Variants in GDF6 observed in about 807,000 individuals in gnomAD.
GDF6 encodes growth/differentiation factor 6.
Under a neutral mutation model 32.4 loss-of-function variants are expected in GDF6, and 3 were observed. The observed-to-expected ratio is 0.09, with a 90% confidence interval of 0.04 to 0.24. The LOEUF (loss-of-function observed/expected upper bound fraction) is 0.24, where lower values mean the gene tolerates loss of function less well. GDF6 is among the 10% of genes least tolerant of loss of function. The pLI is 1.00. For synonymous variants in GDF6, 296 were observed against 295.3 expected (o/e 1.00, Z -0.03); for missense variants, 589 against 637.9 (o/e 0.92, Z 0.83).
chr8:96,145,145 A>G lies in GDF6; in HGVS notation c.786T>C (p.Ser262=). 1 of 1,510,678 alleles carries G rather than the reference A, an allele frequency of 6.6e-7. No homozygotes were observed. Among genetic ancestry groups the G allele is most frequent in the East Asian group, 2.6e-5 (1 of 38,238 alleles). The allele number at this position is 1,510,678 out of a possible 1,614,324, so 93.6% of individuals were successfully genotyped here. ...GCCGCACCCTCCGGCCGAAGCCCAG[A>G]CTCCGCAGGTCCGGGGGCGGCGGTT... The part of the protein sequence containing the change: ...PQQPPPPDLR[S]LGFGRRVRPP... Residue 262 remains serine, a synonymous_variant, in exon 2 of 2, where the codon AGT becomes AGC. Transcript: ENST00000287020. The surrounding 1 kb of genome is among the most constrained non-coding windows in gnomAD (Gnocchi z 5.6).
rs1262557915 is a variant in GDF6, at chr8:96,145,901, C to A, written c.407-377G>T. ...AGACCTCCTCTGGGCTGGGCTGGCTCGTTCTCGTTGACGTCTCAAATGTCA... is the reference window on the plus strand; with the variant it reads ...AGACCTCCTCTGGGCTGGGCTGGCTAGTTCTCGTTGACGTCTCAAATGTCA... On this transcript the variant is annotated intron_variant, in intron 1 of 1. Transcript: ENST00000287020. The surrounding 1 kb of genome is among the most constrained non-coding windows in gnomAD (Gnocchi z 5.6). Among the ~76,000 whole-genome samples the A allele has an allele frequency of 1.3e-5, 2 of 152,212 alleles. No individual in the cohort carries two copies. The highest frequency in any genetic ancestry group is 2.9e-5 in the Non-Finnish European group (2 of 68,032).
rs551579471 is a variant in GDF6, at chr8:96,158,250, A to C, written c.406+2037T>G. Among the ~76,000 whole-genome samples the C allele has an allele frequency of 3.0e-3, 458 of 152,248 alleles. 4 individuals carry two copies. The highest frequency in any genetic ancestry group is 3.9e-3 in the Admixed American group (60 of 15,304). On this transcript the variant is annotated intron_variant, in intron 1 of 1. Transcript: ENST00000287020. ...TTGGCTCGGGAACAGAGGCCTCCCCAGACTGGGTGCACATGCAATCCCTCC... is the reference window on the plus strand; with the variant it reads ...TTGGCTCGGGAACAGAGGCCTCCCCCGACTGGGTGCACATGCAATCCCTCC...
At chr8:96,146,225 G>A (rs1455171307) in intron 1 of GDF6, among the ~76,000 whole-genome samples, 1 of 152,054 alleles carries the variant, frequency 6.6e-6, no homozygotes, top group African/African-American at 2.4e-5. Context: ...ATCTTAATCT[G>A]GCCCACTAAA....
At chr8:96,159,054 C>T (rs6989096) in intron 1 of GDF6, among the ~76,000 whole-genome samples, 12,120 of 152,100 alleles carry the variant, frequency 0.08, 1,476 homozygotes, top group African/African-American at 0.26. Context: ...CCCAGGGTAG[C>T]AGTGGCTGAA....
At position 96,144,752 on chromosome 8, in the gene GDF6, C is replaced by T; in HGVS notation, c.1179G>A (p.Ser393=). The T allele has an allele frequency of 6.2e-7, 1 of 1,614,130 alleles. No individual in the cohort carries two copies. The highest frequency in any genetic ancestry group is 1.3e-5 in the African/African-American group (1 of 75,054). ...TGGCGTGGTTGGTGGGCTCCAGGTGCGAGCGCAGCGGGAAGTCGCATACAC... is the reference window on the plus strand; with the variant it reads ...TGGCGTGGTTGGTGGGCTCCAGGTGTGAGCGCAGCGGGAAGTCGCATACAC... ...CEGVCDFPLR[S]HLEPTNHAII... Residue 393 remains serine (S), a synonymous_variant, in exon 2 of 2, where the codon TCG becomes TCA. Transcript: ENST00000287020. This position sits in a 1 kb window ranked among gnomAD's most constrained non-coding sequence, Gnocchi z 5.1.
At chr8:96,160,150 G>GA in intron 1 of GDF6, 137 bp downstream of exon 1, 2 of 962,892 alleles carry the variant, frequency 2.1e-6, no homozygotes, top group South Asian at 2.6e-5. Context: ...TCGAGCTTGA[G>GA]AAAAACAATT....
rs1812737655 is a variant in GDF6, at chr8:96,160,279, C to T, written c.406+8G>A. 6.2e-7 allele frequency: 1 copy of T among 1,614,114 alleles called. No individual in the cohort carries two copies. Among genetic ancestry groups the T allele is most frequent in the African/African-American group, 1.3e-5 (1 of 74,956 alleles). ...GGAGGGGAGTCGAGCGTTTTCTTTG[C>T]CACTTACCTAGTCCCCTGTCTACAA... On this transcript the variant is annotated splice_region_variant and intron_variant, in intron 1 of 1. Transcript: ENST00000287020.
Position 96,144,797 on chromosome 8 carries a change from G to A in GDF6, c.1134C>T (p.Tyr378=), listed in dbSNP as rs756535061. 2 of 1,614,068 alleles carry A rather than the reference G, an allele frequency of 1.2e-6. No individual in the cohort carries two copies. The highest frequency in any genetic ancestry group is 1.7e-6 in the Non-Finnish European group (2 of 1,180,002). Residue 378 remains tyrosine (Y), a synonymous_variant, in exon 2 of 2, where the codon TAC becomes TAT. Transcript: ENST00000287020. This position sits in a 1 kb window ranked among gnomAD's most constrained non-coding sequence, Gnocchi z 5.1. ...WDDWIIAPLE[Y]EAYHCEGVCD... is the part of the protein sequence containing the mutation. Reference sequence around the variant, plus strand: ...ATACACCCTCGCAGTGATAGGCCTCGTACTCCAGGGGCGCGATAATCCAGT... The same window carrying A: ...ATACACCCTCGCAGTGATAGGCCTCATACTCCAGGGGCGCGATAATCCAGT...
chr8:96,159,318 T>C (rs1449308321), intron 1 of GDF6, among the ~76,000 whole-genome samples: 1 of 152,200 alleles, frequency 6.6e-6, no homozygotes, highest in Non-Finnish European at 1.5e-5. Context: ...CTGTGGATCC[T>C]TCCCTGATTT....
chr8:96,144,662 G>T lies in GDF6; in HGVS notation c.1269C>A (p.Thr423=). The change falls in exon 2 of 2, where the codon ACC becomes ACA. Residue 423 remains threonine, a synonymous_variant. Transcript: ENST00000287020. The surrounding 1 kb of genome is among the most constrained non-coding windows in gnomAD (Gnocchi z 5.1). ...ATAGAATGCTGATGGGAGTCAATTT[G>T]GTGGGCACGCAGCAGCTGGGCGGGG... ...GSTPPSCCVP[T]KLTPISILYI... is the part of the protein sequence containing the mutation. The T allele has an allele frequency of 6.2e-7, 1 of 1,614,148 alleles. No homozygotes were observed. Among genetic ancestry groups the T allele is most frequent in the Non-Finnish European group, 8.5e-7 (1 of 1,180,014 alleles).
In GDF6 at chr8:96,143,499, T is replaced by C. The variant is rs1411584505; in HGVS notation, c.*1064A>G. On this transcript the variant is annotated 3_prime_UTR_variant, in exon 2 of 2. Coordinates refer to ENST00000287020, the MANE Select transcript of GDF6 (RefSeq NM_001001557.4). The stretch of plus-strand genomic sequence containing the variant: ...TTCTTGGTTCCTTTTCCCTCCTTTG[T>C]AGCTCTTACGTTAATTGTTTTGTTC... 2 of 152,804 alleles carry C rather than the reference T, an allele frequency of 1.3e-5. No individual in the cohort carries two copies. Among genetic ancestry groups the C allele is most frequent in the Non-Finnish European group, 2.9e-5 (2 of 68,112 alleles). The allele number at this position is 152,804 out of a possible 1,614,324, so 9.5% of individuals were successfully genotyped here. A position where few individuals can be genotyped will look rare whatever the true frequency, so the allele number is the denominator to read the frequency against.
At position 96,160,512 on chromosome 8, in the gene GDF6, C is replaced by G. The variant is rs773393980; in HGVS notation, c.181G>C (p.Gly61Arg). The stretch of plus-strand genomic sequence containing the variant: ...GGCTGTGGTTCCTGGCCCTCCCGGC[C>G]CGCGTCACTGTCGCGCGGCGCCCGC... ...MQRAPRDSDA[G>R]REGQEPQPRP... Residue 61 changes from glycine to arginine, a missense_variant, in exon 1 of 2, where the codon GGC becomes CGC. Coordinates refer to ENST00000287020, the MANE Select transcript of GDF6 (RefSeq NM_001001557.4). 5 of 1,613,174 alleles carry G rather than the reference C, an allele frequency of 3.1e-6. No individual in the cohort carries two copies. The African/African-American group carries it at 5.3e-5, about 17-fold the overall frequency.
Position 96,144,290 on chromosome 8 carries a change from G to GAGAA in GDF6, c.*272_*273insTTCT, listed in dbSNP as rs1416099236. On this transcript the variant is annotated 3_prime_UTR_variant, in exon 2 of 2. Transcript: ENST00000287020. The surrounding 1 kb of genome is among the most constrained non-coding windows in gnomAD (Gnocchi z 5.1). ...AGAGAGAGAGAGAGAGAGAGAGAGAGAAAACAGAACAAAAGAAATCCTCCT... is the reference window on the plus strand; with the variant it reads ...AGAGAGAGAGAGAGAGAGAGAGAGAGAGAAAAAACAGAACAAAAGAAATCCTCCT... The GAGAA allele has an allele frequency of 2.4e-4, 107 of 439,292 alleles. No homozygotes were observed. Among genetic ancestry groups the GAGAA allele is most frequent in the Middle Eastern group, 6.5e-4 (1 of 1,530 alleles). 27.2% of individuals were successfully genotyped at this position (439,292 alleles called of 1,614,324 possible).
chr8:96,160,180 G>A, intron 1 of GDF6, 107 bp downstream of exon 1: 2 of 1,096,420 alleles, frequency 1.8e-6, no homozygotes, highest in Non-Finnish European at 2.8e-6. Context: ...TAAAAAGGAA[G>A]TGTCCAGAGC....
intron 1 of GDF6, among the ~76,000 whole-genome samples, chr8:96,149,470 G>A (rs569455982): frequency 6.6e-6 from 1 of 152,254 alleles, no homozygotes; most frequent in East Asian, 1.9e-4. Flanking sequence ...AGAAAAATAA[G>A]AAGGAAGGAA....
At chr8:96,150,716 T>G (rs1001461195) in intron 1 of GDF6, among the ~76,000 whole-genome samples, 1 of 152,198 alleles carries the variant, frequency 6.6e-6, no homozygotes, top group African/African-American at 2.4e-5. Flanking sequence ...AGGTCCTAAT[T>G]CCAAGTACTC....
At position 96,145,189 on chromosome 8, in the gene GDF6, G is replaced by A. The variant is rs750809706; in HGVS notation, c.742C>T (p.Arg248Cys). 1 of 1,496,418 alleles carries A rather than the reference G, an allele frequency of 6.7e-7. No individual in the cohort carries two copies. 92.7% of individuals were successfully genotyped at this position (1,496,418 alleles called of 1,614,324 possible). Residue 248 changes from arginine (R) to cysteine (C), a missense_variant, in exon 2 of 2, where the codon CGC (arginine) becomes TGC (cysteine). Coordinates refer to ENST00000287020, the MANE Select transcript of GDF6 (RefSeq NM_001001557.4). This position sits in a 1 kb window ranked among gnomAD's most constrained non-coding sequence, Gnocchi z 5.6. The stretch of plus-strand genomic sequence containing the variant: ...GGCGGTTGCTGGGGTCCCCGCGCGC[G>A]CGCCTCGGCCTCCCCGGCGTCCAGC... ...GELDAGEAEA[R>C]ARGPQQPPPP...
chr8:96,150,656 A>G (rs1037167214), intron 1 of GDF6, among the ~76,000 whole-genome samples: 33 of 152,252 alleles, frequency 2.2e-4, no homozygotes, highest in African/African-American at 8.0e-4. Flanking sequence ...TGAAGGTCCT[A>G]ATTCCAAGTG....
In GDF6 at chr8:96,160,526, C is replaced by G. The variant is rs375108591; in HGVS notation, c.167G>C (p.Arg56Pro). Residue 56 changes from arginine to proline, a missense_variant, in exon 1 of 2, where the codon CGC becomes CCC. By Grantham distance (103) the Arg-to-Pro change is moderately radical (BLOSUM62 -2). Coordinates refer to ENST00000287020, the MANE Select transcript of GDF6 (RefSeq NM_001001557.4). ...RKEGKMQRAP[R>P]DSDAGREGQE... ...GCCCTCCCGGCCCGCGTCACTGTCGCGCGGCGCCCGCTGCATCTTGCCTTC... is the reference window on the plus strand; with the variant it reads ...GCCCTCCCGGCCCGCGTCACTGTCGGGCGGCGCCCGCTGCATCTTGCCTTC... 41 of 1,613,226 alleles carry G rather than the reference C, an allele frequency of 2.5e-5. No individual in the cohort carries two copies. Among genetic ancestry groups the G allele is most frequent in the Non-Finnish European group, 3.5e-5 (41 of 1,179,668 alleles).
Sources: gnomAD v4.1 joint callset for allele counts (sites outside exome capture counted in the v4.1 genomes callset) on GRCh38, gnomAD v4.1.1 for gene constraint, Gnocchi (gnomAD v3.1) non-coding constraint, MANE v1.5 for transcripts, NCBI Gene and HGNC (gene_info 2026-07-23, HGNC 2026-07-21) for gene names.